Variants in INCENP observed in about 807,000 individuals in gnomAD.
INCENP encodes inner centromere protein.
In INCENP, 43 loss-of-function variants were observed where a neutral mutation model predicts 107.3. The ratio of observed to expected loss-of-function variants is 0.40; its 90% confidence interval spans 0.31 to 0.52. INCENP has a LOEUF of 0.52. Ranked by LOEUF, INCENP falls within the 20% of genes least tolerant of loss-of-function variation. The pLI is 0.53. For synonymous variants in INCENP, 488 were observed against 494.4 expected (o/e 0.99, Z 0.17); for missense variants, 1,089 against 1,250.9 (o/e 0.87, Z 1.95).
chr11:62,149,166 TCTC>T (rs1944320019), intron 17 of INCENP, among the ~76,000 whole-genome samples: 2 of 47,930 alleles, frequency 4.2e-5, no homozygotes, highest in Non-Finnish European at 2.1e-4. Flanking sequence ...ACAGATATCC[TCTC>T]TCTCTCTCTC....
chr11:62,152,083 G>A lies in INCENP; in HGVS notation c.*107G>A. ...GCCCTCCTTCTTGGCATGCCATTGT[G>A]GAGGGCTTGGCCAGGTGTATATAAA... is the stretch of plus-strand genomic sequence containing the variant. On this transcript the variant is annotated 3_prime_UTR_variant, in exon 19 of 19. Coordinates refer to ENST00000394818, the MANE Select transcript of INCENP (RefSeq NM_001040694.2). The A allele has an allele frequency of 1.2e-6, 1 of 854,214 alleles. No homozygotes were observed. Among genetic ancestry groups the A allele is most frequent in the Non-Finnish European group, 1.8e-6 (1 of 553,888 alleles). The allele number at this position is 854,214 out of a possible 1,614,324, so 52.9% of individuals were successfully genotyped here.
At position 62,128,293 on chromosome 11, in the gene INCENP, G is replaced by C. The variant is rs777960716; in HGVS notation, c.132G>C (p.Met44Ile). ...LEEIQEEAER[M>I]FTREFSKEPE... ...AAATCCAAGAGGAGGCCGAGCGCAT[G>C]TTCACCAGGTGAAGACGGGCACAGT... The change falls in exon 2 of 19, where the codon ATG becomes ATC. Residue 44 changes from methionine (M) to isoleucine (I), a missense_variant. Physicochemically the swap from Met to Ile is conservative, Grantham distance 10 (BLOSUM62 1). Coordinates refer to ENST00000394818, the MANE Select transcript of INCENP (RefSeq NM_001040694.2). 1.6e-5 allele frequency: 26 copies of C among 1,613,982 alleles called. No individual in the cohort carries two copies. The highest frequency in any genetic ancestry group is 2.2e-5 in the Non-Finnish European group (26 of 1,180,024).
rs1427441451 is a variant in INCENP, at chr11:62,138,868, A to G, written c.1174-20A>G. ...TTGGGTTCCAGGTCAAGACCCCTAA[A>G]GCCTTGGTTCTTTCCACAGGTCCCT... is the stretch of plus-strand genomic sequence containing the variant. On this transcript the variant is annotated intron_variant, in intron 6 of 18. Coordinates refer to ENST00000394818, the MANE Select transcript of INCENP (RefSeq NM_001040694.2). 2.5e-6 allele frequency: 4 copies of G among 1,607,524 alleles called. No homozygotes were observed. The highest frequency in any genetic ancestry group is 3.4e-6 in the Non-Finnish European group (4 of 1,174,042).
rs1303740102 is a variant in INCENP, at chr11:62,148,469, TC to T, written c.2205-5del. ...CCTGTCCTAACAGGCTCTTGCTGGG[TC>T]CTCAGGGAGCTGCAGGAGCGGGAGA... is the stretch of plus-strand genomic sequence containing the variant. On this transcript the variant is annotated splice_region_variant and splice_polypyrimidine_tract_variant and intron_variant, in intron 15 of 18. Transcript: ENST00000394818. The T allele has an allele frequency of 6.3e-7, 1 of 1,597,804 alleles. No homozygotes were observed. The highest frequency in any genetic ancestry group is 2.3e-5 in the East Asian group (1 of 44,328).
chr11:62,140,960 G>A lies in INCENP; in HGVS notation c.1509G>A (p.Gln503=). ...RTFLHTVQRN[Q]MLMTPTSAPR... The stretch of plus-strand genomic sequence containing the variant: ...TTCTGCACACAGTGCAGAGGAACCA[G>A]ATGCTCATGACCCCGACCTCAGCCC... The change falls in exon 10 of 19, where the codon CAG becomes CAA. Residue 503 remains glutamine, a synonymous_variant. Transcript: ENST00000394818. 6.2e-7 allele frequency: 1 copy of A among 1,614,232 alleles called. No homozygotes were observed. Among genetic ancestry groups the A allele is most frequent in the South Asian group, 1.1e-5 (1 of 91,092 alleles).
intron 7 of INCENP, among the ~76,000 whole-genome samples, chr11:62,139,998 T>C (rs1802501734): frequency 6.6e-6 from 1 of 152,148 alleles, no homozygotes; most frequent in Non-Finnish European, 1.5e-5. Context: ...AGGCTGGTGC[T>C]GAACTCCTGA....
intron 1 of INCENP, among the ~76,000 whole-genome samples, chr11:62,124,917 G>A (rs1019306961): frequency 6.6e-6 from 1 of 152,254 alleles, no homozygotes; most frequent in Admixed American, 6.5e-5. Context: ...CATGGAGTAT[G>A]ACTCAGTAAA....
intron 3 of INCENP, 81 bp from the exon 4 acceptor site, chr11:62,129,701 C>G (rs1285584083): frequency 8.5e-7 from 1 of 1,177,126 alleles, no homozygotes; most frequent in Non-Finnish European, 1.2e-6. Flanking sequence ...CATACTCTAT[C>G]CAAGCTGGTG....
In INCENP at chr11:62,129,927, G is replaced by A; in HGVS notation, c.400G>A (p.Ala134Thr). ...CCGTGCTGCGGCTGCAGCTGCCGCG[G>A]CTACCATGGCATTGGCTGCACCTTC... ...VTRAAAAAAAATMALAAPSSP... is the reference protein window; with the variant it reads ...VTRAAAAAAATTMALAAPSSP... Residue 134 changes from alanine (A) to threonine (T), a missense_variant, in exon 4 of 19, where the codon GCT becomes ACT. Ala to Thr is a moderately conservative substitution (Grantham distance 58). Coordinates refer to ENST00000394818, the MANE Select transcript of INCENP (RefSeq NM_001040694.2). 6.2e-7 allele frequency: 1 copy of A among 1,613,970 alleles called. No homozygotes were observed. The highest frequency in any genetic ancestry group is 1.1e-5 in the South Asian group (1 of 91,088).
At chr11:62,138,620 T>TG in intron 5 of INCENP, 93 bp from the exon 6 acceptor site, 1 of 1,249,870 alleles carries the variant, frequency 8.0e-7, no homozygotes, top group Non-Finnish European at 1.1e-6. Flanking sequence ...GTTGACCTCT[T>TG]GGGTCCCCAT....
chr11:62,139,012 C>T lies in INCENP; in HGVS notation c.1291+7C>T, dbSNP rs1463360749. 22 of 1,596,234 alleles carry T rather than the reference C, an allele frequency of 1.4e-5. No individual in the cohort carries two copies. The highest frequency in any genetic ancestry group is 1.9e-5 in the Non-Finnish European group (22 of 1,164,116). ...CCCTCTGCAGGGCAGCAAGGTGAGG[C>T]TTCCTGACCTGCCGTGTGCAGTGCC... On this transcript the variant is annotated splice_region_variant and intron_variant, in intron 7 of 18. Transcript: ENST00000394818.
Position 62,130,574 on chromosome 11 carries a change from C to T in INCENP, c.1047C>T (p.Ala349=). The change falls in exon 4 of 19, where the codon GCC becomes GCT. Residue 349 remains alanine (A), a synonymous_variant. Coordinates refer to ENST00000394818, the MANE Select transcript of INCENP (RefSeq NM_001040694.2). The part of the protein sequence containing the change: ...LAKKTAEEPA[A]SGRIICHSYL... ...AGAAGACTGCCGAAGAGCCAGCTGC[C>T]TCTGGCCGCATCATCTGTGAGTCTG... 4 of 1,612,168 alleles carry T rather than the reference C, an allele frequency of 2.5e-6. No individual in the cohort carries two copies. The highest frequency in any genetic ancestry group is 3.4e-6 in the Non-Finnish European group (4 of 1,179,026).
rs1193223088 is a variant in INCENP at position 62,141,529 on chromosome 11, C to T, written c.1605+18C>T. ...GCTTCGTCGTAAGTAAAGCCTTTTCCTGTCGGTAACCTCGCCCCACCTAGC... is the reference window on the plus strand; with the variant it reads ...GCTTCGTCGTAAGTAAAGCCTTTTCTTGTCGGTAACCTCGCCCCACCTAGC... On this transcript the variant is annotated intron_variant, in intron 11 of 18. Coordinates refer to ENST00000394818, the MANE Select transcript of INCENP (RefSeq NM_001040694.2). 6.2e-7 allele frequency: 1 copy of T among 1,614,044 alleles called. No homozygotes were observed.
At position 62,151,821 on chromosome 11, in the gene INCENP, C is replaced by A. The variant is rs770672558; in HGVS notation, c.2602C>A (p.Leu868Ile). 5 of 1,614,190 alleles carry A rather than the reference C, an allele frequency of 3.1e-6. No homozygotes were observed. The highest frequency in any genetic ancestry group is 4.2e-6 in the Non-Finnish European group (5 of 1,180,026). Residue 868 changes from leucine (L) to isoleucine (I), a missense_variant, in exon 19 of 19, where the codon CTC (leucine) becomes ATC (isoleucine). By Grantham distance (5) the Leu-to-Ile change is conservative. Coordinates refer to ENST00000394818, the MANE Select transcript of INCENP (RefSeq NM_001040694.2). Reference protein sequence around the residue: ...QYYHPPNLLELFGTILPLDLE... With the variant: ...QYYHPPNLLEIFGTILPLDLE... ...CTACCACCCACCGAACCTTCTGGAG[C>A]TCTTTGGAACCATTCTCCCACTGGA...
At chr11:62,140,178 C>T (rs926846185) in intron 7 of INCENP, 56 bp from the exon 8 acceptor site, 141 of 1,530,296 alleles carry the variant, frequency 9.2e-5, no homozygotes, top group Non-Finnish European at 1.2e-4. Flanking sequence ...CACCCCCATT[C>T]CCACCCTGCC....
At chr11:62,136,406 G>C (rs550349449) in intron 4 of INCENP, among the ~76,000 whole-genome samples, 23 of 152,282 alleles carry the variant, frequency 1.5e-4, no homozygotes, top group African/African-American at 5.1e-4. Context: ...ACTTTTGCAG[G>C]CGCAGTGGCT....
intron 11 of INCENP, 169 bp from the exon 12 acceptor site, chr11:62,144,813 C>T: frequency 1.3e-6 from 1 of 774,852 alleles, no homozygotes; most frequent in Non-Finnish European, 2.3e-6. Context: ...AGCTGCGGGC[C>T]TTGGCTTGGG....
At chr11:62,124,358 CT>C (rs932333685) in intron 1 of INCENP, among the ~76,000 whole-genome samples, 195 bp downstream of exon 1, 5 of 152,230 alleles carry the variant, frequency 3.3e-5, no homozygotes, top group Non-Finnish European at 7.3e-5. Context: ...GCCTCCCACC[CT>C]TTCCACCTAG....
rs1393427092 is a variant in INCENP, at chr11:62,145,700, A to G, written c.1908A>G (p.Glu636=). 1 of 1,562,934 alleles carries G rather than the reference A, an allele frequency of 6.4e-7. No homozygotes were observed. The highest frequency in any genetic ancestry group is 2.4e-5 in the East Asian group (1 of 41,962). ...CGGCCAAGAAGATGGAGGAGGTGGA[A>G]GCACGCAGGAAGCAGGAAGAGGAGG... ...KAAAKKMEEV[E]ARRKQEEEAR... is the part of the protein sequence containing the mutation. Residue 636 remains glutamate (E), a synonymous_variant, in exon 14 of 19, where the codon GAA becomes GAG. Transcript: ENST00000394818.
Sources: gnomAD v4.1 joint callset for allele counts (sites outside exome capture counted in the v4.1 genomes callset) on GRCh38, gnomAD v4.1.1 for gene constraint, MANE v1.5 for transcripts, NCBI Gene and HGNC (gene_info 2026-07-23, HGNC 2026-07-21) for gene names.